STOML3: variants seen among roughly 807,000 people sequenced by gnomAD.
STOML3 encodes stomatin-like protein 3.
In STOML3, 31 loss-of-function variants were observed where a neutral mutation model predicts 29.5. The observed-to-expected ratio is 1.05, with a 90% CI of 0.79 to 1.42. STOML3 has a LOEUF of 1.42. Ranked by LOEUF, STOML3 falls within the 40% of genes most tolerant of loss-of-function variation. The pLI, the probability that STOML3 is intolerant of heterozygous loss-of-function variation, is 0.00. For missense variants in STOML3, 380 were observed against 363.0 expected, an observed-to-expected ratio of 1.05 and a Z score of -0.38; for synonymous variants, 122 against 139.8, an observed-to-expected ratio of 0.87 and a Z score of 0.90.
rs572371478 is a variant in STOML3 at position 38,979,092 on chromosome 13, C to G, written c.53-2295G>C. ...TTTAGATACATATTTTGTATTAAAA[C>G]CTTTTGAGTACAAATGGCCTTTTAT... On this transcript the variant is annotated intron_variant, in intron 1 of 6. Coordinates refer to ENST00000379631, the MANE Select transcript of STOML3 (RefSeq NM_145286.3). 1.3e-5 allele frequency among the ~76,000 whole-genome samples: 2 copies of G among 152,154 alleles called. 1 individual carries two copies. Among genetic ancestry groups the G allele is most frequent in the South Asian group, 4.1e-4 (2 of 4,824 alleles).
intron 1 of STOML3, chr13:38,980,209 G>C (rs139802806): frequency 2.8e-6 from 4 of 1,414,064 alleles, no homozygotes; most frequent in Non-Finnish European, 2.9e-6. Flanking sequence ...CACCCAGGCC[G>C]CGGCTTCTGG....
At chr13:38,974,218 C>A (rs1282571393) in intron 3 of STOML3, among the ~76,000 whole-genome samples, 1 of 152,078 alleles carries the variant, frequency 6.6e-6, no homozygotes, top group East Asian at 1.9e-4. Flanking sequence ...AAGATGGGGA[C>A]ACTAATATAT....
At position 38,990,691 on chromosome 13, in the gene STOML3, G is replaced by C; in HGVS notation, c.31C>G (p.Gln11Glu). MDSRVSSPEK[Q>E]DKENFVGVNN... ...TTACCCACGAAATTCTCTTTATCTT[G>C]CTTCTCAGGTGAAGACACCCTAGAA... is the stretch of plus-strand genomic sequence containing the variant. Residue 11 changes from glutamine to glutamate, a missense_variant, in exon 1 of 7, where the codon CAA (glutamine) becomes GAA (glutamate). Physicochemically the swap from Gln to Glu is conservative, Grantham distance 29 (BLOSUM62 2). Coordinates refer to ENST00000379631, the MANE Select transcript of STOML3 (RefSeq NM_145286.3). 1 of 1,613,910 alleles carries C rather than the reference G, an allele frequency of 6.2e-7. No individual in the cohort carries two copies. Among genetic ancestry groups the C allele is most frequent in the Non-Finnish European group, 8.5e-7 (1 of 1,179,920 alleles).
intron 5 of STOML3, 84 bp from the exon 6 acceptor site, chr13:38,968,618 A>G (rs1880751011): frequency 6.6e-7 from 1 of 1,514,040 alleles, no homozygotes; most frequent in African/African-American, 1.4e-5. Context: ...CTTTCAAGAT[A>G]CATTTTTCTT....
At chr13:38,978,465 C>T (rs1387861587) in intron 1 of STOML3, among the ~76,000 whole-genome samples, 1 of 152,128 alleles carries the variant, frequency 6.6e-6, no homozygotes, top group South Asian at 2.1e-4. Context: ...ATTTTGCCTC[C>T]TTTTAAATCC....
chr13:38,981,284 G>A (rs958126096), intron 1 of STOML3, among the ~76,000 whole-genome samples: 2 of 152,088 alleles, frequency 1.3e-5, no homozygotes, highest in South Asian at 2.1e-4. Flanking sequence ...AAGGTTTATC[G>A]GTGGAGGCAC....
chr13:38,966,888 AT>A lies in STOML3; in HGVS notation c.812del (p.Asn271IlefsTer3). 6.2e-7 allele frequency: 1 copy of A among 1,613,798 alleles called. No homozygotes were observed. The highest frequency in any genetic ancestry group is 8.5e-7 in the Non-Finnish European group (1 of 1,179,970). On this transcript the variant is annotated frameshift_variant, in exon 7 of 7. Coordinates refer to ENST00000379631, the MANE Select transcript of STOML3 (RefSeq NM_145286.3). LOFTEE classifies it high-confidence loss of function. The part of the protein sequence containing the change: ...NSTIVFPLPM[N>X]ILEGIGGVSY... The stretch of plus-strand genomic sequence containing the variant: ...TGACGCCACCAATGCCCTCTAGTAT[AT>A]TCATGGGCAGAGGAAACACAATCGT...
At chr13:38,986,226 G>A (rs985333542) in intron 1 of STOML3, among the ~76,000 whole-genome samples, 4 of 151,694 alleles carry the variant, frequency 2.6e-5, no homozygotes, top group South Asian at 2.1e-4. Flanking sequence ...GTAGAAACAA[G>A]GTTTCACCAT....
intron 1 of STOML3, among the ~76,000 whole-genome samples, chr13:38,988,290 T>TCA (rs1868747542): frequency 1.1e-5 from 1 of 87,540 alleles, no homozygotes; most frequent in Non-Finnish European, 1.8e-5. Flanking sequence ...ATATATTATA[T>TCA]TTTATATCAT....
chr13:38,968,327 T>C, intron 6 of STOML3, 73 bp downstream of exon 6: 1 of 1,543,274 alleles, frequency 6.5e-7, no homozygotes, highest in Non-Finnish European at 8.8e-7. Flanking sequence ...CCCAATCTTC[T>C]GTTCAAGTCC....
chr13:38,990,120 GT>G (rs1220625218), intron 1 of STOML3, among the ~76,000 whole-genome samples: 1 of 152,170 alleles, frequency 6.6e-6, no homozygotes, highest in Non-Finnish European at 1.5e-5. Context: ...AATGATAGTA[GT>G]TGGTACTTAT....
At chr13:38,977,752 T>C (rs1881133940) in intron 1 of STOML3, among the ~76,000 whole-genome samples, 1 of 32,508 alleles carries the variant, frequency 3.1e-5, no homozygotes, top group East Asian at 2.4e-3. Context: ...GTCTCCGGAT[T>C]TTTTTTTTTT....
chr13:38,972,286 G>C (rs191434581), intron 4 of STOML3, among the ~76,000 whole-genome samples: 1 of 152,234 alleles, frequency 6.6e-6, no homozygotes, highest in East Asian at 1.9e-4. Flanking sequence ...GCCATTCTAA[G>C]TCTTCTAGCA....
intron 1 of STOML3, among the ~76,000 whole-genome samples, chr13:38,982,937 G>C (rs987633145): frequency 1.3e-5 from 2 of 152,082 alleles, no homozygotes; most frequent in Non-Finnish European, 2.9e-5. Context: ...TATATAAAAT[G>C]CAGATTCCCT....
chr13:38,966,736 T>C lies in STOML3; in HGVS notation c.*89A>G, dbSNP rs1880659501. ...TATGGAGTTACTGTTACATGAACAG[T>C]GTTGGAATTCTCACCGTTTCTAACT... is the stretch of plus-strand genomic sequence containing the variant. On this transcript the variant is annotated 3_prime_UTR_variant, in exon 7 of 7. Transcript: ENST00000379631. 1 of 1,058,722 alleles carries C rather than the reference T, an allele frequency of 9.4e-7. No homozygotes were observed. The highest frequency in any genetic ancestry group is 1.4e-6 in the Non-Finnish European group (1 of 697,888). The allele number at this position is 1,058,722 out of a possible 1,614,324, so 65.6% of individuals were successfully genotyped here.
chr13:38,966,737 G>T lies in STOML3; in HGVS notation c.*88C>A. ...ATGGAGTTACTGTTACATGAACAGT[G>T]TTGGAATTCTCACCGTTTCTAACTA... On this transcript the variant is annotated 3_prime_UTR_variant, in exon 7 of 7. Transcript: ENST00000379631. 1.8e-6 allele frequency: 2 copies of T among 1,094,520 alleles called. No homozygotes were observed. The highest frequency in any genetic ancestry group is 2.7e-6 in the Non-Finnish European group (2 of 729,956). The allele number at this position is 1,094,520 out of a possible 1,614,324, so 67.8% of individuals were successfully genotyped here.
chr13:38,985,911 CTTTTT>C (rs1170409048), intron 1 of STOML3, among the ~76,000 whole-genome samples: 8,015 of 85,410 alleles, frequency 0.094, 71 homozygotes, highest in Admixed American at 0.15. Flanking sequence ...TCTTTTCTTT[CTTTTT>C]TTTTTTTTTT....
intron 4 of STOML3, among the ~76,000 whole-genome samples, chr13:38,971,240 C>A (rs1306380193): frequency 3.3e-5 from 5 of 152,082 alleles, no homozygotes; most frequent in Admixed American, 3.3e-4. Context: ...GCCATGTTGG[C>A]CAGGCTGGTC....
intron 5 of STOML3, among the ~76,000 whole-genome samples, chr13:38,969,980 T>C (rs907150388): frequency 6.6e-6 from 1 of 152,236 alleles, no homozygotes; most frequent in Non-Finnish European, 1.5e-5. Context: ...ACTGCTTTCT[T>C]GCACTCAGAT....
Sources: allele counts gnomAD v4.1 joint callset (sites outside exome capture counted in the v4.1 genomes callset), GRCh38; gene constraint gnomAD v4.1.1; transcripts MANE v1.5; gene names NCBI Gene and HGNC (gene_info 2026-07-23, HGNC 2026-07-21).